The following VAV3 variants were observed in gnomAD, a reference collection of about 807,000 sequenced individuals.
VAV3 encodes guanine nucleotide exchange factor VAV3.
In VAV3, 94 loss-of-function variants were observed where a neutral mutation model predicts 131.2. That is an observed-to-expected ratio of 0.72 (90% CI 0.61 to 0.85). VAV3 has a LOEUF of 0.85. Among genes scored for constraint, VAV3 ranks in the 40% least tolerant of loss-of-function variants. The pLI, the probability that VAV3 is intolerant of heterozygous loss-of-function variation, is 0.00. For missense variants in VAV3, 939 were observed against 1,002.7 expected (o/e 0.94, Z 0.86); for synonymous variants, 349 against 342.0 (o/e 1.02, Z -0.22).
At chr1:107,938,359 G>C (rs1673823079) in intron 1 of VAV3, among the ~76,000 whole-genome samples, 1 of 152,216 alleles carries the variant, frequency 6.6e-6, no homozygotes, top group South Asian at 2.1e-4. Flanking sequence ...CGAGAGGCAG[G>C]AGTGTCTTAG....
At chr1:107,853,200 C>T (rs886829141) in intron 2 of VAV3, among the ~76,000 whole-genome samples, 4 of 152,048 alleles carry the variant, frequency 2.6e-5, no homozygotes, top group African/African-American at 7.2e-5. Flanking sequence ...CTCTGGAATC[C>T]GACCCCATGG....
At chr1:107,611,605 A>AC (rs1037117744) in intron 21 of VAV3, among the ~76,000 whole-genome samples, 106 of 144,120 alleles carry the variant, frequency 7.4e-4, no homozygotes, top group Admixed American at 2.9e-3. Context: ...CCAAAAAAAA[A>AC]AAACAAACAA....
At chr1:107,949,882 TA>T (rs1327644992) in intron 1 of VAV3, among the ~76,000 whole-genome samples, 2 of 152,242 alleles carry the variant, frequency 1.3e-5, no homozygotes, top group African/African-American at 4.8e-5. Flanking sequence ...GGAGTATTGA[TA>T]AGTGACAGAA....
chr1:107,630,348 AGGATGGAT>A (rs112495050), intron 20 of VAV3, among the ~76,000 whole-genome samples: 2 of 150,678 alleles, frequency 1.3e-5, no homozygotes, highest in Non-Finnish European at 3.0e-5. Flanking sequence ...AATGGATGGG[AGGATGGAT>A]GGATGGATGG....
intron 1 of VAV3, among the ~76,000 whole-genome samples, chr1:107,905,179 T>C (rs894483354): frequency 9.2e-5 from 14 of 152,208 alleles, no homozygotes; most frequent in African/African-American, 3.1e-4. Context: ...ACAGGACCTT[T>C]GTGTATTGCA....
chr1:107,940,842 G>C (rs1673948799), intron 1 of VAV3, among the ~76,000 whole-genome samples: 1 of 152,164 alleles, frequency 6.6e-6, no homozygotes, highest in African/African-American at 2.4e-5. Flanking sequence ...GTTGTTTAAT[G>C]TATAGAGTTT....
chr1:107,926,763 A>G (rs1673178130), intron 1 of VAV3, among the ~76,000 whole-genome samples: 1 of 152,182 alleles, frequency 6.6e-6, no homozygotes, highest in Admixed American at 6.5e-5. Flanking sequence ...AGCCCTGGCC[A>G]GAGGGGAATT....
chr1:107,713,153 G>A (rs1660886643), intron 15 of VAV3, among the ~76,000 whole-genome samples: 3 of 151,932 alleles, frequency 2.0e-5, no homozygotes. Flanking sequence ...GAATAAAATC[G>A]ACAAAATTGC....
rs182901114 is a variant in VAV3, at chr1:107,955,159, G to C, written c.204+9507C>G. Among the ~76,000 whole-genome samples the C allele has an allele frequency of 4.6e-5, 7 of 152,118 alleles. No homozygotes were observed. In the East Asian group the frequency reaches 1.4e-3, roughly 29 times the overall value. On this transcript the variant is annotated intron_variant, in intron 1 of 26. Transcript: ENST00000370056. Reference sequence around the variant, plus strand: ...CCCTAGGAGGTAGGTTCTTTTATTTGGTCTATTTTAGAGATGAGGAAGCTA... The same window carrying C: ...CCCTAGGAGGTAGGTTCTTTTATTTCGTCTATTTTAGAGATGAGGAAGCTA...
At chr1:107,691,620 C>A (rs1004415892) in intron 17 of VAV3, among the ~76,000 whole-genome samples, 15 of 152,100 alleles carry the variant, frequency 9.9e-5, no homozygotes, top group Non-Finnish European at 1.9e-4. Context: ...AGTTTTTAAT[C>A]CTCAACTTAT....
intron 2 of VAV3, among the ~76,000 whole-genome samples, chr1:107,840,073 C>G (rs1046166463): frequency 9.2e-5 from 14 of 152,134 alleles, no homozygotes; most frequent in African/African-American, 2.9e-4. Flanking sequence ...CTAGTGAATT[C>G]TACCAAACGT....
intron 20 of VAV3, among the ~76,000 whole-genome samples, chr1:107,642,286 T>TGGTC (rs1557727026): frequency 2.0e-5 from 3 of 152,158 alleles, no homozygotes; most frequent in African/African-American, 7.2e-5. Context: ...AAGTGACCTC[T>TGGTC]GGTCGTCCTC....
At chr1:107,960,905 A>G (rs991266608) in intron 1 of VAV3, among the ~76,000 whole-genome samples, 10 of 151,618 alleles carry the variant, frequency 6.6e-5, no homozygotes, top group African/African-American at 2.2e-4. Context: ...ATAGCACATT[A>G]TAGATAAATA....
intron 2 of VAV3, among the ~76,000 whole-genome samples, chr1:107,839,780 T>C (rs1006781875): frequency 6.6e-6 from 1 of 152,162 alleles, no homozygotes; most frequent in African/African-American, 2.4e-5. Context: ...AACTTCCAGC[T>C]AAGCAAACCA....
chr1:107,908,473 G>T (rs1056408157), intron 1 of VAV3, among the ~76,000 whole-genome samples: 3 of 151,920 alleles, frequency 2.0e-5, no homozygotes, highest in Non-Finnish European at 4.4e-5. Flanking sequence ...TCCTGTTTTA[G>T]CTTAAAAAAG....
At chr1:107,601,067 A>T (rs1651818753) in intron 24 of VAV3, among the ~76,000 whole-genome samples, 1 of 152,092 alleles carries the variant, frequency 6.6e-6, no homozygotes, top group Non-Finnish European at 1.5e-5. Context: ...ATCATGTCTC[A>T]GCTGTGTCTG....
intron 19 of VAV3, among the ~76,000 whole-genome samples, chr1:107,643,725 A>C (rs1655523394): frequency 6.6e-6 from 1 of 152,180 alleles, no homozygotes. Context: ...TAGATGTCCA[A>C]GTTACCTAGA....
intron 4 of VAV3, among the ~76,000 whole-genome samples, chr1:107,775,581 A>C (rs1372661225): frequency 6.3e-4 from 92 of 145,686 alleles, no homozygotes; most frequent in African/African-American, 2.3e-3. Context: ...CAGTCACAAA[A>C]AAAAAAAAAA....
intron 19 of VAV3, among the ~76,000 whole-genome samples, chr1:107,680,835 G>A (rs1658551034): frequency 6.6e-6 from 1 of 152,174 alleles, no homozygotes; most frequent in African/African-American, 2.4e-5. Context: ...AGTTCAAACA[G>A]CAAGTAAACA....
Sources: allele counts gnomAD v4.1 joint callset (sites outside exome capture counted in the v4.1 genomes callset), GRCh38; gene constraint gnomAD v4.1.1; transcripts MANE v1.5; gene names NCBI Gene and HGNC (gene_info 2026-07-23, HGNC 2026-07-21).